SRRM5: variants seen among roughly 807,000 people sequenced by gnomAD.
SRRM5 encodes the protein serine/arginine repetitive matrix 5, also known as serine/arginine repetitive matrix protein 5.
Under a neutral mutation model 1.3 loss-of-function variants are expected in SRRM5, and 1 was observed. The observed-to-expected ratio is 0.76, with a 90% CI of 0.27 to 3.59. The LOEUF (loss-of-function observed/expected upper bound fraction) is 3.59, where lower values mean the gene tolerates loss of function less well. SRRM5 is among the 30% of genes most tolerant of loss of function. The probability of loss-of-function intolerance (pLI) is 0.19; values close to 1 mark genes in which losing one functional copy is unlikely to be tolerated. For synonymous variants in SRRM5, 275 were observed against 320.2 expected, an observed-to-expected ratio of 0.86 and a Z score of 1.51; for missense variants, 875 against 914.5, an observed-to-expected ratio of 0.96 and a Z score of 0.56.
Position 43,614,155 on chromosome 19 carries a change from A to AT in SRRM5, c.2037dup (p.Pro680SerfsTer11). ...AGACAAGCAGCCACTCCCCATCAAC[A>AT]TTTCCCAGTGGGGGCCAAACCCTAA... On this transcript the variant is annotated frameshift_variant, in exon 3 of 3. Transcript: ENST00000607544. LOFTEE classifies it low-confidence loss of function (END_TRUNC). 6.2e-7 allele frequency: 1 copy of AT among 1,613,846 alleles called. No homozygotes were observed. Among genetic ancestry groups the AT allele is most frequent in the Non-Finnish European group, 8.5e-7 (1 of 1,179,876 alleles).
In SRRM5 at chr19:43,614,222, A is replaced by T. The variant is rs747232045; in HGVS notation, c.2101A>T (p.Thr701Ser). 4 of 1,614,134 alleles carry T rather than the reference A, an allele frequency of 2.5e-6. No homozygotes were observed. The East Asian group carries it at 8.9e-5, about 36-fold the overall frequency. ...SQADATTSKATLPGERSSSSS... is the reference protein window; with the variant it reads ...SQADATTSKASLPGERSSSSS... ...AGCCGACGCCACCACCTCTAAGGCC[A>T]CCTTACCTGGGGAAAGGTCTTCATC... The change falls in exon 1 of 1, where the codon ACC becomes TCC. Residue 701 changes from threonine (T) to serine (S), a missense_variant. Thr to Ser is a moderately conservative substitution (Grantham distance 58). Transcript: ENST00000417606.
At position 43,614,459 on chromosome 19, in the gene SRRM5, T is replaced by A. The variant is rs760803673; in HGVS notation, c.*190T>A. 272 of 1,433,552 alleles carry A rather than the reference T, an allele frequency of 1.9e-4. No individual in the cohort carries two copies. Among genetic ancestry groups the A allele is most frequent in the Non-Finnish European group, 2.4e-4 (264 of 1,098,568 alleles). The allele number at this position is 1,433,552 out of a possible 1,614,324, so 88.8% of individuals were successfully genotyped here. ...GCTGGATAGGGGGAAAGGAAAGACCTGTGATGATTCAATAAATTTTTACAT... is the reference window on the plus strand; with the variant it reads ...GCTGGATAGGGGGAAAGGAAAGACCAGTGATGATTCAATAAATTTTTACAT... On this transcript the variant is annotated 3_prime_UTR_variant, in exon 1 of 1. Transcript: ENST00000417606.
In SRRM5 at chr19:43,613,077, G is replaced by T; in HGVS notation, c.956G>T (p.Arg319Leu). 1 of 1,551,520 alleles carries T rather than the reference G, an allele frequency of 6.4e-7. No homozygotes were observed. Among genetic ancestry groups the T allele is most frequent in the Non-Finnish European group, 8.7e-7 (1 of 1,146,964 alleles). ...CATAGCAGGGCAAGAAGTCGCACCC[G>T]GAAGGGAATTCTGAGCCAGATGGGA... The part of the protein sequence containing the change: ...RNHSRARSRT[R>L]KGILSQMGRH... Residue 319 changes from arginine (R) to leucine (L), a missense_variant, in exon 1 of 1, where the codon CGG becomes CTG. Transcript: ENST00000417606.
rs551305864 is a variant in SRRM5 at position 43,613,977 on chromosome 19, G to A, written c.1856G>A (p.Arg619Gln). Residue 619 changes from arginine to glutamine, a missense_variant, in exon 1 of 1, where the codon CGA becomes CAA. Arg to Gln is a conservative substitution (Grantham distance 43, BLOSUM62 1). Transcript: ENST00000417606. ...TCCAGCAAGGAGAAAGCTCATAGCC[G>A]ATCTAGAACCCCCAGCAAAGAAGGA... ...RASSKEKAHS[R>Q]SRTPSKEGNH... 8.4e-6 allele frequency: 13 copies of A among 1,551,626 alleles called. No individual in the cohort carries two copies. In the East Asian group the frequency reaches 1.2e-4, roughly 15 times the overall value.
At position 43,614,414 on chromosome 19, in the gene SRRM5, GT is replaced by G; in HGVS notation, c.*147del. The G allele has an allele frequency of 8.1e-6, 12 of 1,474,226 alleles. No individual in the cohort carries two copies. The highest frequency in any genetic ancestry group is 1.4e-5 in the South Asian group (1 of 70,514). The allele number at this position is 1,474,226 out of a possible 1,614,324, so 91.3% of individuals were successfully genotyped here. A position where few individuals can be genotyped will look rare whatever the true frequency, so the allele number is the denominator to read the frequency against. ...GGCCACAAGTTCTCTAATACAGGATGTTGGCAGGTAGAGAGGGATGCTGGAT... is the reference window on the plus strand; with the variant it reads ...GGCCACAAGTTCTCTAATACAGGATGTGGCAGGTAGAGAGGGATGCTGGAT... On this transcript the variant is annotated 3_prime_UTR_variant, in exon 1 of 1. Coordinates refer to ENST00000417606, the MANE Select transcript of SRRM5 (RefSeq NM_001145641.2).
rs566406041 is a variant in SRRM5, at chr19:43,612,289, C to G, written c.168C>G (p.Val56=). The G allele has an allele frequency of 6.4e-7, 1 of 1,551,580 alleles. No homozygotes were observed. The highest frequency in any genetic ancestry group is 1.4e-5 in the African/African-American group (1 of 73,026). The part of the protein sequence containing the change: ...PTKPATSRNS[V]MSPSSSKSTK... Reference sequence around the variant, plus strand: ...AACCAGCGACATCCCGTAACTCAGTCATGAGCCCAAGCAGTTCCAAGTCCA... The same window carrying G: ...AACCAGCGACATCCCGTAACTCAGTGATGAGCCCAAGCAGTTCCAAGTCCA... Residue 56 remains valine (V), a synonymous_variant, in exon 1 of 1, where the codon GTC becomes GTG. Coordinates refer to ENST00000417606, the MANE Select transcript of SRRM5 (RefSeq NM_001145641.2). This position sits in a 1 kb window ranked among gnomAD's most constrained non-coding sequence, Gnocchi z 4.2.
chr19:43,613,918 C>A lies in SRRM5; in HGVS notation c.1797C>A (p.Pro599=). The change falls in exon 1 of 1, where the codon CCC becomes CCA. Residue 599 remains proline (P), a synonymous_variant. Transcript: ENST00000417606. ...EERDHSRSRS[P]NKQSGYSRPR... ...GAGATCACAGCCGATCTAGAAGCCC[C>A]AATAAGCAGAGTGGTTACAGTCGAC... 1 of 1,551,620 alleles carries A rather than the reference C, an allele frequency of 6.4e-7. No individual in the cohort carries two copies. Among genetic ancestry groups the A allele is most frequent in the Middle Eastern group, 1.7e-4 (1 of 5,992 alleles).
chr19:43,613,417 C>T lies in SRRM5; in HGVS notation c.1296C>T (p.Asn432=). The T allele has an allele frequency of 1.3e-6, 2 of 1,528,718 alleles. No homozygotes were observed. Among genetic ancestry groups the T allele is most frequent in the Non-Finnish European group, 8.8e-7 (1 of 1,131,184 alleles). The allele number at this position is 1,528,718 out of a possible 1,614,324, so 94.7% of individuals were successfully genotyped here. A position where few individuals can be genotyped will look rare whatever the true frequency, so the allele number is the denominator to read the frequency against. ...ATCGCAGCCGATCTAGAAGTCCCAA[C>T]AAGGCGAGAGATTGCAGCCGATCTA... ...ARDRSRSRSP[N]KARDCSRSRS... The change falls in exon 1 of 1, where the codon AAC becomes AAT. Residue 432 remains asparagine, a synonymous_variant. Transcript: ENST00000417606.
At position 43,612,374 on chromosome 19, in the gene SRRM5, C is replaced by G; in HGVS notation, c.253C>G (p.Arg85Gly). The G allele has an allele frequency of 1.3e-6, 2 of 1,551,668 alleles. No individual in the cohort carries two copies. Among genetic ancestry groups the G allele is most frequent in the Non-Finnish European group, 1.7e-6 (2 of 1,146,990 alleles). ...SNRPSSRSRV[R>G]SKARTPSRVS... is the part of the protein sequence containing the mutation. ...CCGGCCCAGCAGCAGGTCCCGAGTC[C>G]GCAGCAAAGCAAGAACACCCAGCAG... The change falls in exon 1 of 1, where the codon CGC becomes GGC. Residue 85 changes from arginine (R) to glycine (G), a missense_variant. By Grantham distance (125) the Arg-to-Gly change is moderately radical (BLOSUM62 -2). Coordinates refer to ENST00000417606, the MANE Select transcript of SRRM5 (RefSeq NM_001145641.2). The surrounding 1 kb of genome is among the most constrained non-coding windows in gnomAD (Gnocchi z 4.2).
rs546926724 is a variant in SRRM5 at position 43,614,440 on chromosome 19, T to G, written c.*171T>G. On this transcript the variant is annotated 3_prime_UTR_variant, in exon 1 of 1. Transcript: ENST00000417606. Reference sequence around the variant, plus strand: ...TTGGCAGGTAGAGAGGGATGCTGGATAGGGGGAAAGGAAAGACCTGTGATG... The same window carrying G: ...TTGGCAGGTAGAGAGGGATGCTGGAGAGGGGGAAAGGAAAGACCTGTGATG... 1.5e-5 allele frequency: 22 copies of G among 1,446,914 alleles called. No individual in the cohort carries two copies. The African/African-American group carries it at 3.1e-4, about 21-fold the overall frequency. 89.6% of individuals were successfully genotyped at this position (1,446,914 alleles called of 1,614,324 possible).
rs146955612 is a variant in SRRM5 at position 43,612,908 on chromosome 19, T to A, written c.787T>A (p.Ser263Thr). ...REKSYSPTEM[S>T]SRVKSYNQAS... The stretch of plus-strand genomic sequence containing the variant: ...AAAGAGTTACAGCCCCACTGAAATG[T>A]CCAGCAGGGTCAAGAGTTATAACCA... The change falls in exon 1 of 1, where the codon TCC becomes ACC. Residue 263 changes from serine (S) to threonine (T), a missense_variant. Coordinates refer to ENST00000417606, the MANE Select transcript of SRRM5 (RefSeq NM_001145641.2). The surrounding 1 kb of genome is among the most constrained non-coding windows in gnomAD (Gnocchi z 4.2). 8.1e-4 allele frequency: 1,260 copies of A among 1,551,550 alleles called. 9 individuals are homozygous for A. In the African/African-American group the frequency reaches 0.016, roughly 19 times the overall value.
Position 43,612,417 on chromosome 19 carries a change from G to C in SRRM5, c.296G>C (p.Arg99Thr). The C allele has an allele frequency of 6.4e-7, 1 of 1,551,448 alleles. No homozygotes were observed. The highest frequency in any genetic ancestry group is 1.2e-5 in the South Asian group (1 of 84,048). The change falls in exon 1 of 1, where the codon AGG (arginine) becomes ACG (threonine). Residue 99 changes from arginine to threonine, a missense_variant. By Grantham distance (71) the Arg-to-Thr change is moderately conservative. Coordinates refer to ENST00000417606, the MANE Select transcript of SRRM5 (RefSeq NM_001145641.2). The surrounding 1 kb of genome is among the most constrained non-coding windows in gnomAD (Gnocchi z 4.2). ...CCCAGCAGGGTGAGCACCGACACCA[G>C]GACCAGCAAAGCCAGCAAGGCCAGC... ...RTPSRVSTDT[R>T]TSKASKASDV...
At position 43,614,363 on chromosome 19, in the gene SRRM5, G is replaced by C; in HGVS notation, c.*94G>C. The C allele has an allele frequency of 5.2e-6, 8 of 1,536,702 alleles. No individual in the cohort carries two copies. The highest frequency in any genetic ancestry group is 7.0e-6 in the Non-Finnish European group (8 of 1,145,678). On this transcript the variant is annotated 3_prime_UTR_variant, in exon 1 of 1. Transcript: ENST00000417606. ...CAGCAGCTGAGCAGCGTCCCTCCCC[G>C]GCCAGCTCTCCACAGCCACACCTCC...
Position 43,612,138 on chromosome 19 carries a change from G to T in SRRM5, c.17G>T (p.Arg6Ile). The T allele has an allele frequency of 1.3e-6, 2 of 1,551,638 alleles. No individual in the cohort carries two copies. Among genetic ancestry groups the T allele is most frequent in the South Asian group, 1.2e-5 (1 of 84,062 alleles). The change falls in exon 1 of 1, where the codon AGA (arginine) becomes ATA (isoleucine). Residue 6 changes from arginine (R) to isoleucine (I), a missense_variant. Physicochemically the swap from Arg to Ile is moderately conservative, Grantham distance 97. Coordinates refer to ENST00000417606, the MANE Select transcript of SRRM5 (RefSeq NM_001145641.2). The surrounding 1 kb of genome is among the most constrained non-coding windows in gnomAD (Gnocchi z 4.2). The part of the protein sequence containing the change: MSSPK[R>I]SSKPSMSLAP... ...GCGCCCACCATGTCTTCACCTAAGA[G>T]ATCTTCAAAGCCCAGTATGTCTCTG...
At position 43,612,340 on chromosome 19, in the gene SRRM5, C is replaced by T. The variant is rs1368535971; in HGVS notation, c.219C>T (p.Ala73=). 1.9e-6 allele frequency: 3 copies of T among 1,551,626 alleles called. No individual in the cohort carries two copies. The Admixed American group carries it at 5.9e-5, about 30-fold the overall frequency. Residue 73 remains alanine (A), a synonymous_variant, in exon 1 of 1, where the codon GCC becomes GCT. Transcript: ENST00000417606. This position sits in a 1 kb window ranked among gnomAD's most constrained non-coding sequence, Gnocchi z 4.2. ...KSTKSTSTKR[A]PSNRPSSRSR... is the part of the protein sequence containing the mutation. ...CCAAATCGACCAGTACAAAAAGAGCCCCTTCTAACCGGCCCAGCAGCAGGT... is the reference window on the plus strand; with the variant it reads ...CCAAATCGACCAGTACAAAAAGAGCTCCTTCTAACCGGCCCAGCAGCAGGT...
At position 43,613,827 on chromosome 19, in the gene SRRM5, G is replaced by A. The variant is rs375504378; in HGVS notation, c.1706G>A (p.Arg569His). The A allele has an allele frequency of 3.6e-5, 55 of 1,541,206 alleles. 1 individual carries two copies. The highest frequency in any genetic ancestry group is 2.9e-4 in the South Asian group (24 of 83,624). Reference protein sequence around the residue: ...QSRSPSKERDRRRWRSPSKER... With the variant: ...QSRSPSKERDHRRWRSPSKER... Reference sequence around the variant, plus strand: ...AGAAGCCCCAGCAAAGAGAGAGATCGCAGACGATGGAGAAGCCCCAGCAAG... The same window carrying A: ...AGAAGCCCCAGCAAAGAGAGAGATCACAGACGATGGAGAAGCCCCAGCAAG... Residue 569 changes from arginine (R) to histidine (H), a missense_variant, in exon 1 of 1, where the codon CGC (arginine) becomes CAC (histidine). Transcript: ENST00000417606.
Position 43,612,821 on chromosome 19 carries a change from C to T in SRRM5, c.700C>T (p.Pro234Ser), listed in dbSNP as rs1001843306. The T allele has an allele frequency of 6.4e-7, 1 of 1,551,622 alleles. No individual in the cohort carries two copies. Among genetic ancestry groups the T allele is most frequent in the African/African-American group, 1.4e-5 (1 of 73,168 alleles). The change falls in exon 1 of 1, where the codon CCA becomes TCA. Residue 234 changes from proline to serine, a missense_variant. By Grantham distance (74) the Pro-to-Ser change is moderately conservative. Transcript: ENST00000417606. This position sits in a 1 kb window ranked among gnomAD's most constrained non-coding sequence, Gnocchi z 4.2. ...TCCCTCCAAGGAGAAGAGTGACAAC[C>T]CATCTCCATCCTCATCAAGGAAGGT... ...GIPSKEKSDN[P>S]SPSSSRKVKS...
rs1382291442 is a variant in SRRM5 at position 43,612,836 on chromosome 19, T to C, written c.715T>C (p.Ser239Pro). ...EKSDNPSPSS[S>P]RKVKSYGQMI... is the part of the protein sequence containing the mutation. ...GAGTGACAACCCATCTCCATCCTCATCAAGGAAGGTGAAGAGCTACGGTCA... is the reference window on the plus strand; with the variant it reads ...GAGTGACAACCCATCTCCATCCTCACCAAGGAAGGTGAAGAGCTACGGTCA... Residue 239 changes from serine to proline, a missense_variant, in exon 1 of 1, where the codon TCA becomes CCA. Physicochemically the swap from Ser to Pro is moderately conservative, Grantham distance 74. Transcript: ENST00000417606. This position sits in a 1 kb window ranked among gnomAD's most constrained non-coding sequence, Gnocchi z 4.2. The C allele has an allele frequency of 5.2e-6, 8 of 1,551,460 alleles. No homozygotes were observed.
In SRRM5 at chr19:43,613,111, C is replaced by A; in HGVS notation, c.990C>A (p.Ser330Arg). The part of the protein sequence containing the change: ...KGILSQMGRH[S>R]QSRSHSKGKS... ...TTCTGAGCCAGATGGGAAGACACAG[C>A]CAGTCTAGAAGCCACAGCAAGGGGA... The change falls in exon 1 of 1, where the codon AGC (serine) becomes AGA (arginine). Residue 330 changes from serine (S) to arginine (R), a missense_variant. Physicochemically the swap from Ser to Arg is moderately radical, Grantham distance 110 (BLOSUM62 -1). Transcript: ENST00000417606. 1 of 1,551,632 alleles carries A rather than the reference C, an allele frequency of 6.4e-7. No homozygotes were observed. The highest frequency in any genetic ancestry group is 1.2e-5 in the South Asian group (1 of 84,052).
Sources: gnomAD v4.1 joint callset for allele counts on GRCh38, gnomAD v4.1.1 for gene constraint, Gnocchi (gnomAD v3.1) non-coding constraint, MANE v1.5 for transcripts, NCBI Gene and HGNC (gene_info 2026-07-23, HGNC 2026-07-21) for gene names.